The following PRDM10 variants were observed in gnomAD, a reference collection of about 807,000 sequenced individuals.
The protein encoded by PRDM10 is PR domain zinc finger protein 10.
A neutral mutation model predicts 133.1 loss-of-function variants in PRDM10; 65 were observed. The ratio of observed to expected loss-of-function variants is 0.49; its 90% CI spans 0.40 to 0.60. The LOEUF is 0.60. Ranked by LOEUF, PRDM10 falls within the 20% of genes least tolerant of loss-of-function variation. The pLI is 0.00. For synonymous variants in PRDM10, 582 were observed against 580.4 expected (o/e 1.00, Z -0.04); for missense variants, 1,137 against 1,507.1 (o/e 0.75, Z 4.07).
In PRDM10 at chr11:129,900,867, T is replaced by A. The variant is rs1056365941; in HGVS notation, c.*1446A>T. The A allele has an allele frequency of 6.6e-6, 1 of 152,604 alleles. No individual in the cohort carries two copies. Among genetic ancestry groups the A allele is most frequent in the African/African-American group, 2.4e-5 (1 of 41,464 alleles). The allele number at this position is 152,604 out of a possible 1,614,324, so 9.5% of individuals were successfully genotyped here. ...ATAAAGTGCGAAATCTACACATCAA[T>A]AAAGTTCTTTTAACAGAATTGTTCA... is the stretch of plus-strand genomic sequence containing the variant. On this transcript the variant is annotated 3_prime_UTR_variant, in exon 21 of 21. Transcript: ENST00000360871.
At position 129,945,982 on chromosome 11, in the gene PRDM10, A is replaced by T. The variant is rs921305314; in HGVS notation, c.521-970T>A. Among the ~76,000 whole-genome samples the T allele has an allele frequency of 2.6e-5, 4 of 152,134 alleles. No homozygotes were observed. Among genetic ancestry groups the T allele is most frequent in the Non-Finnish European group, 5.9e-5 (4 of 68,012 alleles). Reference sequence around the variant, plus strand: ...CCCAGGTGCAGTGGCTCAGCCTGTAATCCCAGCACTTTGGGAGGCTGAGGT... The same window carrying T: ...CCCAGGTGCAGTGGCTCAGCCTGTATTCCCAGCACTTTGGGAGGCTGAGGT... On this transcript the variant is annotated intron_variant, in intron 5 of 20. Coordinates refer to ENST00000360871, the MANE Select transcript of PRDM10 (RefSeq NM_199437.2). The surrounding 1 kb of genome is among the most constrained non-coding windows in gnomAD (Gnocchi z 4.2).
At chr11:129,932,038 G>T in intron 10 of PRDM10, 64 bp downstream of exon 10, 1 of 1,556,436 alleles carries the variant, frequency 6.4e-7, no homozygotes, top group Non-Finnish European at 8.8e-7. Flanking sequence ...CTTAGGTCTC[G>T]TCAGGGATCT....
intron 1 of PRDM10, among the ~76,000 whole-genome samples, chr11:129,991,761 G>A (rs1404442882): frequency 6.6e-6 from 1 of 151,312 alleles, no homozygotes; most frequent in East Asian, 2.0e-4. Context: ...GGAGGTTGCA[G>A]TGATCCGATA....
intron 1 of PRDM10, among the ~76,000 whole-genome samples, chr11:129,966,698 C>T (rs895364218): frequency 1.3e-5 from 2 of 152,216 alleles, no homozygotes; most frequent in South Asian, 2.1e-4. Context: ...GATGAAGCTG[C>T]ATGATGTGTT....
intron 16 of PRDM10, 143 bp downstream of exon 16, chr11:129,915,517 A>T: frequency 1.1e-6 from 1 of 940,434 alleles, no homozygotes; most frequent in Non-Finnish European, 1.6e-6. Flanking sequence ...CTCTCTGTTT[A>T]CAGTGACTAG....
At chr11:129,956,183 T>C (rs1409927276) in intron 3 of PRDM10, among the ~76,000 whole-genome samples, 3 of 152,238 alleles carry the variant, frequency 2.0e-5, no homozygotes, top group Non-Finnish European at 4.4e-5. Context: ...CAAAGCTAAC[T>C]AGAGAAAATT....
rs774398993 is a variant in PRDM10 at position 129,918,568 on chromosome 11, T to C, written c.2185A>G (p.Met729Val). Residue 729 changes from methionine (M) to valine (V), a missense_variant, in exon 14 of 21, where the codon ATG (methionine) becomes GTG (valine). Physicochemically the swap from Met to Val is conservative, Grantham distance 21. Around this residue, in one of 6 missense-constraint regions of PRDM10, gnomAD observed 78 missense variants for 96.4 expected, o/e 0.81. Coordinates refer to ENST00000360871, the MANE Select transcript of PRDM10 (RefSeq NM_199437.2). The surrounding 1 kb of genome is among the most constrained non-coding windows in gnomAD (Gnocchi z 5.3). ...ATGCCGCGCCGCCGGAAGCCCATCA[T>C]GCACAGGCGGCACTTGAACGTGAAG... ...DSFTFKCRLC[M>V]MGFRRRGMLV... is the part of the protein sequence containing the mutation. 6.2e-6 allele frequency: 10 copies of C among 1,614,058 alleles called. No homozygotes were observed. The highest frequency in any genetic ancestry group is 4.5e-5 in the East Asian group (2 of 44,894).
intron 1 of PRDM10, among the ~76,000 whole-genome samples, chr11:130,001,755 C>A (rs1400452489): frequency 1.3e-5 from 2 of 152,200 alleles, no homozygotes. Flanking sequence ...TTAACAAAAG[C>A]TGGCGAGGGG....
intron 17 of PRDM10, 95 bp downstream of exon 17, chr11:129,914,609 A>G: frequency 6.5e-7 from 1 of 1,527,354 alleles, no homozygotes; most frequent in Non-Finnish European, 9.1e-7. Context: ...TCCACGCAGA[A>G]GGACATTACA....
chr11:129,962,807 A>G (rs1245899859), intron 1 of PRDM10, among the ~76,000 whole-genome samples: 2 of 152,210 alleles, frequency 1.3e-5, no homozygotes, highest in African/African-American at 4.8e-5. Context: ...CCTATGGTAT[A>G]TAAACTATAT....
chr11:129,944,649 T>C (rs1951345463), intron 6 of PRDM10, 122 bp downstream of exon 6: 17 of 1,383,228 alleles, frequency 1.2e-5, no homozygotes, highest in Admixed American at 2.3e-5. Flanking sequence ...CAAGTTAAGA[T>C]AGAAAGAAGA....
chr11:129,976,889 C>T lies in PRDM10; in HGVS notation c.-118-15807G>A, dbSNP rs184724883. ...ATGGGGAAGCCCAAATCCTCCATAACATGTTTCTCAAATTTTAAAAGATTA... is the reference window on the plus strand; with the variant it reads ...ATGGGGAAGCCCAAATCCTCCATAATATGTTTCTCAAATTTTAAAAGATTA... On this transcript the variant is annotated intron_variant, in intron 1 of 20. Coordinates refer to ENST00000360871, the MANE Select transcript of PRDM10 (RefSeq NM_199437.2). 2.3e-3 allele frequency among the ~76,000 whole-genome samples: 344 copies of T among 152,188 alleles called. 2 individuals carry two copies. Among genetic ancestry groups the T allele is most frequent in the African/African-American group, 7.8e-3 (324 of 41,504 alleles).
intron 7 of PRDM10, 65 bp downstream of exon 7, chr11:129,942,361 T>C (rs1168455954): frequency 2.7e-6 from 4 of 1,508,470 alleles, no homozygotes; most frequent in Non-Finnish European, 3.6e-6. Flanking sequence ...GAAAATAAAA[T>C]TGCAAAAAGC....
At chr11:129,961,817 G>A (rs1432723420) in intron 1 of PRDM10, among the ~76,000 whole-genome samples, 2 of 152,014 alleles carry the variant, frequency 1.3e-5, no homozygotes, top group African/African-American at 4.8e-5. Context: ...TATATATTTT[G>A]CATATATATT....
intron 1 of PRDM10, among the ~76,000 whole-genome samples, chr11:129,985,045 G>C (rs529869460): frequency 2.0e-5 from 3 of 152,292 alleles, no homozygotes; most frequent in African/African-American, 4.8e-5. Context: ...CTGCTGGAAG[G>C]CCGCTGCAGG....
chr11:129,969,553 G>A (rs958770717), intron 1 of PRDM10, among the ~76,000 whole-genome samples: 9 of 152,020 alleles, frequency 5.9e-5, no homozygotes, highest in African/African-American at 2.2e-4. Flanking sequence ...CAGCACTTTG[G>A]GAGGCCAAGG....
chr11:129,933,931 C>T (rs1950948275), intron 9 of PRDM10, among the ~76,000 whole-genome samples: 1 of 152,186 alleles, frequency 6.6e-6, no homozygotes, highest in African/African-American at 2.4e-5. Context: ...CCCTCTAGTA[C>T]CCAGCACTCA....
intron 13 of PRDM10, among the ~76,000 whole-genome samples, chr11:129,922,431 T>C (rs564931662): frequency 1.4e-4 from 21 of 152,246 alleles, no homozygotes; most frequent in Non-Finnish European, 2.5e-4. Context: ...TGCTGTTATA[T>C]ATTCAAAGCC....
intron 1 of PRDM10, among the ~76,000 whole-genome samples, chr11:130,000,845 G>GC (rs1460119966): frequency 6.6e-6 from 1 of 152,156 alleles, no homozygotes; most frequent in Non-Finnish European, 1.5e-5. Flanking sequence ...GGGGGCCCAT[G>GC]CCTGCAATCC....
Sources: allele counts gnomAD v4.1 joint callset (sites outside exome capture counted in the v4.1 genomes callset), GRCh38; gene constraint gnomAD v4.1.1; regional missense constraint gnomAD v4.1.1; non-coding constraint Gnocchi (gnomAD v3.1); transcripts MANE v1.5; gene names NCBI Gene and HGNC (gene_info 2026-07-23, HGNC 2026-07-21).